The following F8 variants were observed in gnomAD, a reference collection of about 807,000 sequenced individuals.
The protein encoded by F8 is coagulation factor VIII.
F8 carries 12 observed loss-of-function variants against 140.6 expected under a neutral mutation model. The observed-to-expected ratio is 0.09, with a 90% confidence interval of 0.05 to 0.14. The LOEUF (loss-of-function observed/expected upper bound fraction) is 0.14, where lower values mean the gene tolerates loss of function less well. F8 is among the 10% of genes least tolerant of loss of function. The pLI is 1.00. For missense variants in F8, 1,354 were observed against 1,720.7 expected (o/e 0.79, Z 3.77); for synonymous variants, 585 against 614.6 (o/e 0.95, Z 0.71).
At chrX:154,995,009 A>T (rs1557284976) in intron 3 of F8, among the ~76,000 whole-genome samples, 1 of 111,780 alleles carries the variant, frequency 8.9e-6, no homozygotes, top group Admixed American at 9.5e-5. Context: ...AACTTTGACA[A>T]TGAGAGCCTT....
intron 13 of F8, among the ~76,000 whole-genome samples, chrX:154,936,975 T>C (rs1191233496): frequency 9.0e-6 from 1 of 111,282 alleles, no homozygotes; most frequent in South Asian, 3.7e-4. Context: ...AAAATAACTA[T>C]GAATAAAACA....
At chrX:154,909,687 A>G (rs2073055335) in intron 14 of F8, 1 of 112,833 alleles carries the variant, frequency 8.9e-6, no homozygotes, top group Non-Finnish European at 1.9e-5. Context: ...AGGACAGTAC[A>G]GTCAACCTGA....
chrX:154,962,220 T>C (rs930758873), intron 9 of F8, among the ~76,000 whole-genome samples: 7 of 112,033 alleles, frequency 6.2e-5, no homozygotes, highest in African/African-American at 1.6e-4. Context: ...CTTCCCAGCC[T>C]GCAACCCTTT....
rs2073051714 is a variant in F8 at position 154,909,019 on chromosome X, C to A, written c.5220-2446G>T. On this transcript the variant is annotated intron_variant, in intron 14 of 25. Coordinates refer to ENST00000360256, the MANE Select transcript of F8 (RefSeq NM_000132.4). ...GATTTGGGCTGGATGGTTCAGGAAG[C>A]CAGCTGCTTCCGTTGGCGAGTCATT... The A allele has an allele frequency of 3.3e-5, 7 of 213,507 alleles. No homozygotes were observed. The South Asian group carries it at 4.8e-4, about 15-fold the overall frequency. 17.6% of individuals were successfully genotyped at this position (213,507 alleles called of 1,213,427 possible).
At chrX:154,839,395 C>G (rs1225826341) in intron 25 of F8, among the ~76,000 whole-genome samples, 3 of 105,289 alleles carry the variant, frequency 2.8e-5, no homozygotes, top group South Asian at 4.4e-4. Flanking sequence ...CGGAGTCTCG[C>G]TCTGTCGCCC....
chrX:154,890,799 T>C (rs1341239542), intron 22 of F8, among the ~76,000 whole-genome samples: 3 of 112,092 alleles, frequency 2.7e-5, no homozygotes, highest in Non-Finnish European at 5.6e-5. Flanking sequence ...GCTTTTTCAT[T>C]TACTCTCATT....
rs137852360 is a variant in F8 at position 154,837,676 on chromosome X, C to T, written c.6977G>A (p.Arg2326Gln). 8.3e-7 allele frequency: 1 copy of T among 1,209,135 alleles called. No individual in the cohort carries two copies. The highest frequency in any genetic ancestry group is 1.8e-5 in the African/African-American group (1 of 57,050). The change falls in exon 26 of 26, where the codon CGA becomes CAA. Residue 2326 changes from arginine to glutamine, a missense_variant. By Grantham distance (43) the Arg-to-Gln change is conservative. Coordinates refer to ENST00000360256, the MANE Select transcript of F8 (RefSeq NM_000132.4). ...LDPPLLTRYL[R>Q]IHPQSWVHQI... is the part of the protein sequence containing the mutation. ...GTGCACCCAACTCTGGGGGTGAATTCGAAGGTAGCGAGTCAGTAACGGTGG... is the reference window on the plus strand; with the variant it reads ...GTGCACCCAACTCTGGGGGTGAATTTGAAGGTAGCGAGTCAGTAACGGTGG...
chrX:154,863,238 A>T lies in F8; in HGVS notation c.6430-11T>A, dbSNP rs2072707862. Reference sequence around the variant, plus strand: ...ATTGCCAAAGAAGACCTGTATGGAGAGATTAGCACAAATACATGGAAAGTG... The same window carrying T: ...ATTGCCAAAGAAGACCTGTATGGAGTGATTAGCACAAATACATGGAAAGTG... On this transcript the variant is annotated splice_polypyrimidine_tract_variant and intron_variant, in intron 22 of 25. Transcript: ENST00000360256. 3.3e-6 allele frequency: 4 copies of T among 1,202,950 alleles called. No homozygotes were observed. The highest frequency in any genetic ancestry group is 4.5e-6 in the Non-Finnish European group (4 of 888,408).
At chrX:154,920,102 C>T (rs191269808) in intron 14 of F8, 7,956 of 156,648 alleles carry the variant, frequency 0.051, 633 homozygotes, top group African/African-American at 0.23. Flanking sequence ...CACAAACTTT[C>T]TCTCCCAAGT....
At chrX:154,986,431 A>G (rs2073558763) in intron 5 of F8, among the ~76,000 whole-genome samples, 1 of 110,588 alleles carries the variant, frequency 9.0e-6, no homozygotes, top group Admixed American at 9.6e-5. Flanking sequence ...GCTGGAGTAC[A>G]GGTACCCGCC....
chrX:154,854,502 C>T (rs1325030947), intron 25 of F8, among the ~76,000 whole-genome samples: 14 of 111,205 alleles, frequency 1.3e-4, no homozygotes, highest in Admixed American at 2.9e-4. Flanking sequence ...ACTGGAACTA[C>T]GAATCAGCTC....
In F8 at chrX:154,904,290, T is replaced by C. The variant is rs2073025584; in HGVS notation, c.5815+6A>G. 8.4e-7 allele frequency: 1 copy of C among 1,193,748 alleles called. No homozygotes were observed. Among genetic ancestry groups the C allele is most frequent in the Non-Finnish European group, 1.1e-6 (1 of 879,158 alleles). On this transcript the variant is annotated splice_donor_region_variant and intron_variant, in intron 17 of 25. Coordinates refer to ENST00000360256, the MANE Select transcript of F8 (RefSeq NM_000132.4). ...AGTGATAATGTTTGGATGTGGAATA[T>C]ATTACCATGGAAGCGATAATTCTCT...
chrX:154,957,563 A>T (rs1391991729), intron 10 of F8, among the ~76,000 whole-genome samples: 1 of 111,527 alleles, frequency 9.0e-6, no homozygotes, highest in Non-Finnish European at 1.9e-5. Flanking sequence ...ACCTGAAGAT[A>T]CAATCTAAAT....
At chrX:154,955,317 A>ATTTTTTT (rs34537569) in intron 11 of F8, among the ~76,000 whole-genome samples, 2 of 66,882 alleles carry the variant, frequency 3.0e-5, no homozygotes, top group African/African-American at 7.1e-5. Context: ...TGCCCAGCTA[A>ATTTTTTT]TTTTTTTTTT....
chrX:154,980,289 T>G (rs1557283411), intron 6 of F8, among the ~76,000 whole-genome samples: 1 of 112,106 alleles, frequency 8.9e-6, no homozygotes, highest in Admixed American at 9.4e-5. Context: ...ATTCTGTTGC[T>G]GATGTCTTGT....
At chrX:154,956,198 C>T (rs1204038284) in intron 11 of F8, among the ~76,000 whole-genome samples, 4 of 112,235 alleles carry the variant, frequency 3.6e-5, no homozygotes, top group East Asian at 2.8e-4. Context: ...CCCTGGAAAT[C>T]GCTGTTATCC....
At chrX:154,980,191 C>T (rs1167272808) in intron 6 of F8, among the ~76,000 whole-genome samples, 2 of 111,570 alleles carry the variant, frequency 1.8e-5, no homozygotes, top group African/African-American at 6.5e-5. Flanking sequence ...ACACTAGATG[C>T]ATCTAGTCAA....
intron 14 of F8, chrX:154,919,898 A>T: frequency 4.9e-6 from 1 of 202,415 alleles, no homozygotes. Flanking sequence ...CCTAAGGGCG[A>T]CTCCTCAGCC....
At chrX:155,012,462 T>A (rs2073710632) in intron 1 of F8, among the ~76,000 whole-genome samples, 2 of 110,577 alleles carry the variant, frequency 1.8e-5, no homozygotes, top group African/African-American at 6.6e-5. Context: ...AGGCATATGT[T>A]ACCACACTTG....
Sources: gnomAD v4.1 joint callset for allele counts (sites outside exome capture counted in the v4.1 genomes callset) on GRCh38, gnomAD v4.1.1 for gene constraint, MANE v1.5 for transcripts, NCBI Gene and HGNC (gene_info 2026-07-23, HGNC 2026-07-21) for gene names.